Variants in ULK4 observed in about 807,000 individuals in gnomAD.
ULK4 encodes unc-51 like kinase 4.
A neutral mutation model predicts 160.6 loss-of-function variants in ULK4; 133 were observed. That is an observed-to-expected ratio of 0.83 (90% confidence interval 0.72 to 0.96). The LOEUF (loss-of-function observed/expected upper bound fraction) is 0.96, where lower values mean the gene tolerates loss of function less well. Among genes scored for constraint, ULK4 ranks in the 40% least tolerant of loss-of-function variants. The pLI is 0.00. For missense variants in ULK4, 1,580 were observed against 1,499.5 expected (o/e 1.05, Z -0.89); for synonymous variants, 534 against 539.8 (o/e 0.99, Z 0.15).
intron 35 of ULK4, among the ~76,000 whole-genome samples, chr3:41,387,875 T>C (rs1221332993): frequency 6.6e-6 from 1 of 152,208 alleles, no homozygotes; most frequent in Non-Finnish European, 1.5e-5. Flanking sequence ...TTATAATCCT[T>C]TGAGTATATA....
intron 35 of ULK4, among the ~76,000 whole-genome samples, chr3:41,329,485 A>G (rs1465224169): frequency 6.6e-6 from 1 of 152,190 alleles, no homozygotes; most frequent in Admixed American, 6.5e-5. Context: ...GAGAATAAAA[A>G]TTTCCCTTTA....
At chr3:41,377,707 T>G (rs908378816) in intron 35 of ULK4, among the ~76,000 whole-genome samples, 3 of 147,630 alleles carry the variant, frequency 2.0e-5, no homozygotes, top group African/African-American at 7.8e-5. Context: ...TGGCGATCAT[T>G]AAAAAGTCAG....
chr3:41,480,879 A>G (rs2084301508), intron 32 of ULK4, among the ~76,000 whole-genome samples: 1 of 152,164 alleles, frequency 6.6e-6, no homozygotes, highest in Non-Finnish European at 1.5e-5. Context: ...TAAAACCATC[A>G]GATCTCATGA....
At chr3:41,521,666 A>G (rs1473136825) in intron 32 of ULK4, among the ~76,000 whole-genome samples, 7 of 152,228 alleles carry the variant, frequency 4.6e-5, no homozygotes, top group Admixed American at 2.0e-4. Context: ...ATCTGCTTAC[A>G]TGGTCCCATG....
intron 35 of ULK4, among the ~76,000 whole-genome samples, chr3:41,349,827 A>G (rs1296108417): frequency 1.3e-5 from 2 of 152,112 alleles, no homozygotes; most frequent in African/African-American, 4.8e-5. Flanking sequence ...TTTTATTCCT[A>G]CTTTCAATGA....
intron 22 of ULK4, among the ~76,000 whole-genome samples, chr3:41,750,717 C>T (rs560956356): frequency 5.3e-5 from 8 of 151,988 alleles, no homozygotes; most frequent in Admixed American, 1.3e-4. Flanking sequence ...CTGGTCTGGC[C>T]GGGTGTGGTG....
intron 21 of ULK4, among the ~76,000 whole-genome samples, chr3:41,772,958 A>G (rs1257391901): frequency 6.6e-6 from 1 of 152,242 alleles, no homozygotes; most frequent in East Asian, 1.9e-4. Flanking sequence ...AAACAGAACC[A>G]AAGACAAAAA....
chr3:41,820,143 T>G (rs1199858635), intron 18 of ULK4, among the ~76,000 whole-genome samples: 1 of 152,166 alleles, frequency 6.6e-6, no homozygotes, highest in Non-Finnish European at 1.5e-5. Context: ...AAAAACTAAT[T>G]TTTTAAAGCA....
rs571159529 is a variant in ULK4, at chr3:41,862,933, A to G, written c.1656+20941T>C. Among the ~76,000 whole-genome samples, 7 of 152,230 alleles carry G rather than the reference A, an allele frequency of 4.6e-5. 1 individual carries two copies. The East Asian group carries it at 9.7e-4, about 21-fold the overall frequency. On this transcript the variant is annotated intron_variant, in intron 17 of 36. Coordinates refer to ENST00000301831, the MANE Select transcript of ULK4 (RefSeq NM_017886.4). Reference sequence around the variant, plus strand: ...CCTGAGAAGTGCTAGGTCTTACCCAAGGCCTGCTATAACCACTCCCTAGCT... The same window carrying G: ...CCTGAGAAGTGCTAGGTCTTACCCAGGGCCTGCTATAACCACTCCCTAGCT...
At chr3:41,286,315 G>A (rs576762658) in intron 35 of ULK4, among the ~76,000 whole-genome samples, 2 of 152,290 alleles carry the variant, frequency 1.3e-5, no homozygotes, top group African/African-American at 4.8e-5. Context: ...GGGGCTGAGA[G>A]AGACAGCTTT....
chr3:41,418,501 C>CT (rs1354356621), intron 34 of ULK4, among the ~76,000 whole-genome samples: 1 of 152,144 alleles, frequency 6.6e-6, no homozygotes, highest in Non-Finnish European at 1.5e-5. Flanking sequence ...CTGTACTACT[C>CT]TTTGTCCAGT....
intron 17 of ULK4, among the ~76,000 whole-genome samples, chr3:41,847,087 T>G (rs1226809424): frequency 1.3e-5 from 2 of 152,144 alleles, no homozygotes; most frequent in Non-Finnish European, 2.9e-5. Context: ...CACTACTTCT[T>G]TGAAATCAAA....
chr3:41,488,359 T>C (rs548003867), intron 32 of ULK4, among the ~76,000 whole-genome samples: 2 of 152,316 alleles, frequency 1.3e-5, no homozygotes, highest in South Asian at 2.1e-4. Flanking sequence ...AGTTGGAAAT[T>C]AGGCATGAAC....
chr3:41,361,460 GGCCTGACAGTGGGCCATTCTTTGTGGAA>G (rs2081142762), intron 35 of ULK4, among the ~76,000 whole-genome samples: 1 of 152,192 alleles, frequency 6.6e-6, no homozygotes, highest in African/African-American at 2.4e-5. Flanking sequence ...CCTAGGATCA[GGCCTGACAGTGGGCCATTCTTTGTGGAA>G]GCAGCTGACT....
At chr3:41,496,463 A>G (rs1173690840) in intron 32 of ULK4, among the ~76,000 whole-genome samples, 1 of 152,036 alleles carries the variant, frequency 6.6e-6, no homozygotes, top group East Asian at 1.9e-4. Context: ...GTCTGGAGGA[A>G]TTTTCTAGAC....
chr3:41,907,949 A>G lies in ULK4; in HGVS notation c.1086-8T>C, dbSNP rs1403918956. The G allele has an allele frequency of 6.3e-7, 1 of 1,585,212 alleles. No homozygotes were observed. The highest frequency in any genetic ancestry group is 1.8e-5 in the Admixed American group (1 of 55,244). On this transcript the variant is annotated splice_region_variant and splice_polypyrimidine_tract_variant and intron_variant, in intron 11 of 36. Coordinates refer to ENST00000301831, the MANE Select transcript of ULK4 (RefSeq NM_017886.4). ...CTGGGAGTAGGACGAGAACTGAAAA[A>G]TACAAACCAGTTAACATTATTCAAT...
chr3:41,753,274 C>T (rs1242996833), intron 22 of ULK4, among the ~76,000 whole-genome samples: 3 of 152,066 alleles, frequency 2.0e-5, no homozygotes, highest in South Asian at 2.1e-4. Flanking sequence ...GGTATGTAAT[C>T]GCCCCAATTT....
chr3:41,341,059 A>G (rs1030229424), intron 35 of ULK4, among the ~76,000 whole-genome samples: 7 of 152,208 alleles, frequency 4.6e-5, no homozygotes, highest in Admixed American at 3.9e-4. Context: ...ATCCAAATGG[A>G]AGTCCAGCTG....
intron 35 of ULK4, among the ~76,000 whole-genome samples, chr3:41,261,729 G>A (rs2078948014): frequency 1.3e-5 from 2 of 152,168 alleles, no homozygotes; most frequent in African/African-American, 4.8e-5. Flanking sequence ...AGATGGAAAT[G>A]GAAGTTGTTG....
Sources: gnomAD v4.1 joint callset for allele counts (sites outside exome capture counted in the v4.1 genomes callset) on GRCh38, gnomAD v4.1.1 for gene constraint, MANE v1.5 for transcripts, NCBI Gene and HGNC (gene_info 2026-07-23, HGNC 2026-07-21) for gene names.